Variants in NALF1 observed in about 807,000 individuals in gnomAD.
The protein encoded by NALF1 is NALCN channel auxiliary factor 1.
In NALF1, 3 loss-of-function variants were observed where a neutral mutation model predicts 48.4. That is an observed-to-expected ratio of 0.06 (90% CI 0.03 to 0.16). The LOEUF (loss-of-function observed/expected upper bound fraction) is 0.16. Among genes scored for constraint, NALF1 ranks in the 10% least tolerant of loss-of-function variants. The pLI is 1.00. For missense variants in NALF1, 526 were observed against 571.5 expected (o/e 0.92, Z 0.81); for synonymous variants, 262 against 245.7 (o/e 1.07, Z -0.62).
intron 1 of NALF1, among the ~76,000 whole-genome samples, chr13:107,592,768 C>A (rs1290948713): frequency 6.6e-6 from 1 of 151,752 alleles, no homozygotes; most frequent in Non-Finnish European, 1.5e-5. Flanking sequence ...TTTAGAAAAA[C>A]CTTCTTTGCA....
rs117601707 is a variant in NALF1, at chr13:107,762,975, C to T, written c.915+102707G>A. ...CACAACCAAAATAGAAACAGAATTT[C>T]CACCCTCTGGACACCAGCTTTTGTG... On this transcript the variant is annotated intron_variant, in intron 1 of 2. Coordinates refer to ENST00000375915, the MANE Select transcript of NALF1 (RefSeq NM_001080396.3). Among the ~76,000 whole-genome samples the T allele has an allele frequency of 4.4e-3, 670 of 151,930 alleles. 5 individuals are homozygous for T. Among genetic ancestry groups the T allele is most frequent in the Non-Finnish European group, 6.5e-3 (439 of 67,962 alleles).
intron 2 of NALF1, among the ~76,000 whole-genome samples, chr13:107,198,135 T>C (rs1156362551): frequency 6.6e-6 from 1 of 152,224 alleles, no homozygotes; most frequent in African/African-American, 2.4e-5. Flanking sequence ...ATAGGTTTAA[T>C]TTTTAGTGCA....
At chr13:107,331,195 T>C (rs1161295102) in intron 1 of NALF1, among the ~76,000 whole-genome samples, 1 of 152,186 alleles carries the variant, frequency 6.6e-6, no homozygotes, top group Non-Finnish European at 1.5e-5. Flanking sequence ...TTTATAAAAC[T>C]TTTTTTAGCA....
At chr13:107,573,068 C>T (rs922879162) in intron 1 of NALF1, among the ~76,000 whole-genome samples, 7 of 152,106 alleles carry the variant, frequency 4.6e-5, no homozygotes, top group Non-Finnish European at 8.8e-5. Context: ...ACACACAACA[C>T]ACACCTTCTT....
chr13:107,808,669 T>TA (rs78364102), intron 1 of NALF1, among the ~76,000 whole-genome samples: 181 of 147,576 alleles, frequency 1.2e-3, no homozygotes, highest in African/African-American at 2.4e-3. Context: ...TATACAGATT[T>TA]AAAAAAAAAA....
At position 107,728,665 on chromosome 13, in the gene NALF1, G is replaced by A. The variant is rs562945498; in HGVS notation, c.915+137017C>T. 9.2e-5 allele frequency among the ~76,000 whole-genome samples: 14 copies of A among 151,636 alleles called. No homozygotes were observed. In the South Asian group the frequency reaches 1.0e-3, roughly 11 times the overall value. On this transcript the variant is annotated intron_variant, in intron 1 of 2. Transcript: ENST00000375915. ...GTATACATATGTAACAAACCTGCAC[G>A]TTCTGCGCATGTATCCCAGAACTTA...
At chr13:107,181,613 CTT>C (rs72367311) in intron 2 of NALF1, among the ~76,000 whole-genome samples, 73 of 134,776 alleles carry the variant, frequency 5.4e-4, no homozygotes, top group Non-Finnish European at 9.0e-4. Context: ...ACTATATAGA[CTT>C]TTTTTTTTTT....
At chr13:107,607,832 G>A (rs1421483795) in intron 1 of NALF1, among the ~76,000 whole-genome samples, 1 of 152,166 alleles carries the variant, frequency 6.6e-6, no homozygotes, top group Non-Finnish European at 1.5e-5. Context: ...ATGAGAATTT[G>A]ATGGGCAGCA....
At chr13:107,756,814 A>G (rs948545573) in intron 1 of NALF1, among the ~76,000 whole-genome samples, 1 of 152,174 alleles carries the variant, frequency 6.6e-6, no homozygotes, top group African/African-American at 2.4e-5. Context: ...ATAATAAACA[A>G]GCACAGAAGA....
chr13:107,406,235 TAAC>T (rs1380687648), intron 1 of NALF1, among the ~76,000 whole-genome samples: 7 of 152,036 alleles, frequency 4.6e-5, no homozygotes, highest in Admixed American at 2.0e-4. Context: ...AGTTCTTACT[TAAC>T]AATAATAACA....
chr13:107,716,663 G>A (rs973134682), intron 1 of NALF1, among the ~76,000 whole-genome samples: 1 of 152,162 alleles, frequency 6.6e-6, no homozygotes, highest in Admixed American at 6.5e-5. Flanking sequence ...GACAGGAGAT[G>A]TGACTATATT....
intron 1 of NALF1, among the ~76,000 whole-genome samples, chr13:107,676,535 G>A (rs1340388653): frequency 6.6e-6 from 1 of 150,942 alleles, no homozygotes; most frequent in African/African-American, 2.5e-5. Flanking sequence ...ATAGCCCTTT[G>A]TCATACAGAC....
intron 1 of NALF1, among the ~76,000 whole-genome samples, chr13:107,649,073 G>C (rs948522634): frequency 6.6e-6 from 1 of 151,888 alleles, no homozygotes; most frequent in African/African-American, 2.4e-5. Context: ...TTTACATTTT[G>C]GATAAAAGTC....
rs547729939 is a variant in NALF1 at position 107,282,051 on chromosome 13, T to A, written c.916-71296A>T. ...GACCCAGAAAGCTTTTCAGTCTGCA[T>A]TGATGGTGTTGACCACTGAGCTGGT... On this transcript the variant is annotated intron_variant, in intron 1 of 2. Transcript: ENST00000375915. 1.7e-4 allele frequency among the ~76,000 whole-genome samples: 26 copies of A among 152,304 alleles called. No individual in the cohort carries two copies. In the East Asian group the frequency reaches 5.0e-3, roughly 30 times the overall value.
chr13:107,826,527 G>A (rs543948361), intron 1 of NALF1, among the ~76,000 whole-genome samples: 23 of 152,334 alleles, frequency 1.5e-4, no homozygotes, highest in Admixed American at 1.1e-3. Flanking sequence ...GGGGCTCCAG[G>A]CTGAATGGTG....
chr13:107,810,265 C>A (rs1290741666), intron 1 of NALF1, among the ~76,000 whole-genome samples: 1 of 152,084 alleles, frequency 6.6e-6, no homozygotes, highest in Non-Finnish European at 1.5e-5. Flanking sequence ...TTTAAACAGT[C>A]ATGTAATTGC....
intron 1 of NALF1, among the ~76,000 whole-genome samples, chr13:107,480,326 G>T (rs1594085692): frequency 6.6e-6 from 1 of 152,094 alleles, no homozygotes; most frequent in Non-Finnish European, 1.5e-5. Flanking sequence ...TGCCTTTCAG[G>T]TGGTTAAGCT....
chr13:107,864,566 G>A (rs1307422873), intron 1 of NALF1, among the ~76,000 whole-genome samples: 1 of 152,184 alleles, frequency 6.6e-6, no homozygotes, highest in Non-Finnish European at 1.5e-5. Flanking sequence ...AGAATGTGGT[G>A]TATTATTTCC....
chr13:107,814,696 G>T (rs560021996), intron 1 of NALF1, among the ~76,000 whole-genome samples: 13 of 151,864 alleles, frequency 8.6e-5, no homozygotes, highest in Admixed American at 5.2e-4. Context: ...AAAACGGAAA[G>T]AATTGAAAAA....
Sources: gnomAD v4.1 joint callset for allele counts (sites outside exome capture counted in the v4.1 genomes callset) on GRCh38, gnomAD v4.1.1 for gene constraint, MANE v1.5 for transcripts, NCBI Gene and HGNC (gene_info 2026-07-23, HGNC 2026-07-21) for gene names.